PCNX4: variants seen among roughly 807,000 people sequenced by gnomAD.
PCNX4 encodes the protein pecanex 4, also known as pecanex-like protein 4.
PCNX4 carries 103 observed loss-of-function variants against 107.2 expected under a neutral mutation model. The observed-to-expected ratio is 0.96, with a 90% CI of 0.82 to 1.13. The LOEUF (loss-of-function observed/expected upper bound fraction) is 1.13, where lower values mean the gene tolerates loss of function less well. Among genes scored for constraint, PCNX4 ranks in the 50% most tolerant of loss-of-function variants. PCNX4 has a pLI of 0.00. For synonymous variants in PCNX4, 541 were observed against 481.7 expected, an observed-to-expected ratio of 1.12 and a Z score of -1.61; for missense variants, 1,528 against 1,379.4, an observed-to-expected ratio of 1.11 and a Z score of -1.71.
chr14:60,101,056 A>G (rs1895521918), intron 1 of PCNX4, among the ~76,000 whole-genome samples: 1 of 152,194 alleles, frequency 6.6e-6, no homozygotes, highest in African/African-American at 2.4e-5. Context: ...GGTCTCCACA[A>G]TCCTTTATCT....
rs1248224319 is a variant in PCNX4, at chr14:60,143,346, T to A, written c.*9125T>A. 6.6e-6 allele frequency: 1 copy of A among 152,228 alleles called. No individual in the cohort carries two copies. Among genetic ancestry groups the A allele is most frequent in the East Asian group, 1.9e-4 (1 of 5,194 alleles). The allele number at this position is 152,228 out of a possible 1,614,324, so 9.4% of individuals were successfully genotyped here. Reference sequence around the variant, plus strand: ...AATTATTCCAATCTTTTCATTCTTATAATTGGTGTGTTGTATTCAATAAAT... The same window carrying A: ...AATTATTCCAATCTTTTCATTCTTAAAATTGGTGTGTTGTATTCAATAAAT... On this transcript the variant is annotated 3_prime_UTR_variant, in exon 11 of 11. Coordinates refer to ENST00000406854, the MANE Select transcript of PCNX4 (RefSeq NM_001330177.2).
At chr14:60,100,876 A>C (rs1895518441) in intron 1 of PCNX4, among the ~76,000 whole-genome samples, 1 of 152,208 alleles carries the variant, frequency 6.6e-6, no homozygotes, top group African/African-American at 2.4e-5. Flanking sequence ...TGTGGGAAAA[A>C]TCCACATTCT....
At chr14:60,097,535 T>A (rs1176086866) in intron 1 of PCNX4, among the ~76,000 whole-genome samples, 1 of 152,244 alleles carries the variant, frequency 6.6e-6, no homozygotes, top group Non-Finnish European at 1.5e-5. Context: ...TAACTGTTAC[T>A]AACAAAAGAT....
At position 60,107,697 on chromosome 14, in the gene PCNX4, T is replaced by G. The variant is rs2140538448; in HGVS notation, c.59T>G (p.Phe20Cys). The G allele has an allele frequency of 6.2e-7, 1 of 1,612,862 alleles. No homozygotes were observed. Among genetic ancestry groups the G allele is most frequent in the East Asian group, 2.2e-5 (1 of 44,884 alleles). The change falls in exon 2 of 11, where the codon TTT (phenylalanine) becomes TGT (cysteine). Residue 20 changes from phenylalanine (F) to cysteine (C), a missense_variant. Physicochemically the swap from Phe to Cys is radical, Grantham distance 205 (BLOSUM62 -2). Coordinates refer to ENST00000406854, the MANE Select transcript of PCNX4 (RefSeq NM_001330177.2). The part of the protein sequence containing the change: ...DYKQDFFLKR[F>C]PQTVLGGPRF... ...AAGCAGGACTTCTTTCTGAAGCGCT[T>G]TCCACAGACTGTTCTTGGAGGCCCT...
Position 60,114,857 on chromosome 14 carries a change from T to C in PCNX4, c.847T>C (p.Ser283Pro). Reference protein sequence around the residue: ...EQVLEFGLGGSSMSTHLRLLV... With the variant: ...EQVLEFGLGGPSMSTHLRLLV... ...GGTTTTAGAGTTCGGCCTTGGAGGC[T>C]CATCTATGTCAACCCACTTACGGTA... The change falls in exon 3 of 11, where the codon TCA becomes CCA. Residue 283 changes from serine (S) to proline (P), a missense_variant. Physicochemically the swap from Ser to Pro is moderately conservative, Grantham distance 74. Transcript: ENST00000406854. The C allele has an allele frequency of 7.4e-6, 12 of 1,612,210 alleles. No individual in the cohort carries two copies. Among genetic ancestry groups the C allele is most frequent in the Non-Finnish European group, 1.0e-5 (12 of 1,179,252 alleles).
At position 60,144,555 on chromosome 14, in the gene PCNX4, G is replaced by T. The variant is rs1487411415; in HGVS notation, c.*10334G>T. 2 of 197,590 alleles carry T rather than the reference G, an allele frequency of 1.0e-5. No individual in the cohort carries two copies. Among genetic ancestry groups the T allele is most frequent in the African/African-American group, 2.4e-5 (1 of 41,666 alleles). The allele number at this position is 197,590 out of a possible 1,614,324, so 12.2% of individuals were successfully genotyped here. On this transcript the variant is annotated 3_prime_UTR_variant, in exon 11 of 11. Transcript: ENST00000406854. The stretch of plus-strand genomic sequence containing the variant: ...GGTGCCATCTTGGAAGCAGAGATCA[G>T]CCTTCACCAGACACTAATTCTGCTG...
At position 60,125,090 on chromosome 14, in the gene PCNX4, T is replaced by A; in HGVS notation, c.2919T>A (p.His973Gln). 6.2e-7 allele frequency: 1 copy of A among 1,613,538 alleles called. No homozygotes were observed. The highest frequency in any genetic ancestry group is 8.5e-7 in the Non-Finnish European group (1 of 1,179,666). The change falls in exon 9 of 11, where the codon CAT becomes CAA. Residue 973 changes from histidine to glutamine, a missense_variant. Coordinates refer to ENST00000406854, the MANE Select transcript of PCNX4 (RefSeq NM_001330177.2). ...KDKVLKDFYV[H>Q]TVMTCYFSLF... ...AAGTTTTAAAAGACTTTTATGTTCATACAGTAATGACTTGTTATTTTAGTT... is the reference window on the plus strand; with the variant it reads ...AAGTTTTAAAAGACTTTTATGTTCAAACAGTAATGACTTGTTATTTTAGTT...
intron 2 of PCNX4, chr14:60,108,904 T>G (rs1031280065): frequency 6.0e-6 from 1 of 166,698 alleles, no homozygotes; most frequent in Non-Finnish European, 1.5e-5. Flanking sequence ...TTTCTCCGTC[T>G]CCGTAGATTG....
Position 60,124,967 on chromosome 14 carries a change from A to G in PCNX4, c.2796A>G (p.Leu932=). 6.2e-7 allele frequency: 1 copy of G among 1,613,858 alleles called. No individual in the cohort carries two copies. The highest frequency in any genetic ancestry group is 8.5e-7 in the Non-Finnish European group (1 of 1,179,778). The stretch of plus-strand genomic sequence containing the variant: ...CCAAAATGAAGGAGATGAGCTCGTT[A>G]TTTCCAGAAGACTGGTACCAATTTG... The part of the protein sequence containing the change: ...PSSKMKEMSS[L]FPEDWYQFVL... Residue 932 remains leucine (L), a synonymous_variant, in exon 9 of 11, where the codon TTA becomes TTG. Coordinates refer to ENST00000406854, the MANE Select transcript of PCNX4 (RefSeq NM_001330177.2).
At chr14:60,119,448 A>G (rs902251265) in intron 7 of PCNX4, among the ~76,000 whole-genome samples, 1 of 152,218 alleles carries the variant, frequency 6.6e-6, no homozygotes, top group Non-Finnish European at 1.5e-5. Flanking sequence ...TGACAAACTC[A>G]TTCTAGGCAG....
At chr14:60,115,516 C>G in intron 4 of PCNX4, 55 bp downstream of exon 4, 1 of 1,480,376 alleles carries the variant, frequency 6.8e-7, no homozygotes, top group Non-Finnish European at 9.0e-7. Context: ...TGGAAGTATT[C>G]AAAAATATTA....
Position 60,145,042 on chromosome 14 carries a change from A to G in PCNX4, c.*10821A>G. 6.5e-7 allele frequency: 1 copy of G among 1,526,830 alleles called. No individual in the cohort carries two copies. Among genetic ancestry groups the G allele is most frequent in the Non-Finnish European group, 8.8e-7 (1 of 1,131,306 alleles). The allele number at this position is 1,526,830 out of a possible 1,614,324, so 94.6% of individuals were successfully genotyped here. ...TAAAAGAGGGACAGAAACATGGATC[A>G]GTACCTACTCCTATTTACTCCAGTT... On this transcript the variant is annotated 3_prime_UTR_variant, in exon 11 of 11. Coordinates refer to ENST00000406854, the MANE Select transcript of PCNX4 (RefSeq NM_001330177.2). The surrounding 1 kb of genome is among the most constrained non-coding windows in gnomAD (Gnocchi z 4.0).
intron 6 of PCNX4, 120 bp from the exon 7 acceptor site, chr14:60,118,209 T>C (rs946043294): frequency 1.5e-6 from 2 of 1,307,294 alleles, no homozygotes; most frequent in East Asian, 5.4e-5. Flanking sequence ...AGAATAAGAT[T>C]TATTTCTTCA....
rs757107879 is a variant in PCNX4 at position 60,118,577 on chromosome 14, T to A, written c.1827T>A (p.Ser609Arg). Residue 609 changes from serine (S) to arginine (R), a missense_variant, in exon 7 of 11, where the codon AGT becomes AGA. By Grantham distance (110) the Ser-to-Arg change is moderately radical. Transcript: ENST00000406854. ...FLVGFPRPIQ[S>R]WPGAAGTTAC... is the part of the protein sequence containing the mutation. ...TGGGGTTTCCCCGACCTATTCAGAGTTGGCCAGGAGCAGCAGGCACCACAG... is the reference window on the plus strand; with the variant it reads ...TGGGGTTTCCCCGACCTATTCAGAGATGGCCAGGAGCAGCAGGCACCACAG... The A allele has an allele frequency of 6.2e-7, 1 of 1,613,736 alleles. No individual in the cohort carries two copies. The highest frequency in any genetic ancestry group is 8.5e-7 in the Non-Finnish European group (1 of 1,179,846).
In PCNX4 at chr14:60,107,650, T is replaced by C. The variant is rs1172923910; in HGVS notation, c.12T>C (p.Asp4=). The C allele has an allele frequency of 6.2e-7, 1 of 1,612,200 alleles. No individual in the cohort carries two copies. Among genetic ancestry groups the C allele is most frequent in the Admixed American group, 1.7e-5 (1 of 59,970 alleles). The stretch of plus-strand genomic sequence containing the variant: ...AATCCCGAGTGAGGATGAGTCCAGA[T>C]GTGCCTCTACTGAATGATTACAAGC... The part of the protein sequence containing the change: MSP[D]VPLLNDYKQD... The change falls in exon 2 of 11, where the codon GAT becomes GAC. Residue 4 remains aspartate (D), a synonymous_variant. Coordinates refer to ENST00000406854, the MANE Select transcript of PCNX4 (RefSeq NM_001330177.2).
intron 1 of PCNX4, among the ~76,000 whole-genome samples, chr14:60,105,636 A>G (rs1476547684): frequency 6.6e-6 from 1 of 152,228 alleles, no homozygotes; most frequent in African/African-American, 2.4e-5. Flanking sequence ...CAGGTACTGC[A>G]CTGTTTGGAA....
In PCNX4 at chr14:60,115,238, C is replaced by T. The variant is rs1245164229; in HGVS notation, c.1134C>T (p.Gly378=). 1 of 1,613,000 alleles carries T rather than the reference C, an allele frequency of 6.2e-7. No homozygotes were observed. The highest frequency in any genetic ancestry group is 2.2e-5 in the East Asian group (1 of 44,864). The change falls in exon 4 of 11, where the codon GGC becomes GGT. Residue 378 remains glycine, a synonymous_variant. Coordinates refer to ENST00000406854, the MANE Select transcript of PCNX4 (RefSeq NM_001330177.2). ...CTAGCTTGCTTCATCACTTTGCTGG[C>T]TTCTCACAGATTTCTAAAAGCAATT... The part of the protein sequence containing the change: ...LETSLLHHFA[G]FSQISKSNSQ...
rs368024763 is a variant in PCNX4, at chr14:60,118,925, AT to A, written c.1942+237del. Among the ~76,000 whole-genome samples, 13 of 152,282 alleles carry A rather than the reference AT, an allele frequency of 8.5e-5. No homozygotes were observed. In the East Asian group the frequency reaches 2.5e-3, roughly 29 times the overall value. On this transcript the variant is annotated intron_variant, in intron 7 of 10. Transcript: ENST00000406854. Reference sequence around the variant, plus strand: ...ACTCAGGGAAATTTTTATTAAGGTGATTTTATAATTTTTTAAATACATTTTC... The same window carrying A: ...ACTCAGGGAAATTTTTATTAAGGTGATTTATAATTTTTTAAATACATTTTC...
chr14:60,131,393 A>G (rs1407932206), intron 10 of PCNX4, among the ~76,000 whole-genome samples: 1 of 152,222 alleles, frequency 6.6e-6, no homozygotes, highest in Non-Finnish European at 1.5e-5. Context: ...TCAACATACA[A>G]AAATCTGGTG....
Sources: allele counts gnomAD v4.1 joint callset (sites outside exome capture counted in the v4.1 genomes callset), GRCh38; gene constraint gnomAD v4.1.1; non-coding constraint Gnocchi (gnomAD v3.1); transcripts MANE v1.5; gene names NCBI Gene and HGNC (gene_info 2026-07-23, HGNC 2026-07-21).